NCAM2: variants seen among roughly 807,000 people sequenced by gnomAD.
NCAM2 encodes N-CAM-2.
In NCAM2, 30 loss-of-function variants were observed where a neutral mutation model predicts 98.1. The ratio of observed to expected loss-of-function variants is 0.31; its 90% CI spans 0.23 to 0.41. NCAM2 has a LOEUF of 0.41. Among genes scored for constraint, NCAM2 ranks in the 10% least tolerant of loss-of-function variants. The pLI is 1.00. For synonymous variants in NCAM2, 368 were observed against 342.4 expected, an observed-to-expected ratio of 1.07 and a Z score of -0.83; for missense variants, 867 against 1,005.8, an observed-to-expected ratio of 0.86 and a Z score of 1.87.
chr21:21,150,818 TAA>T (rs2067425360), intron 1 of NCAM2, among the ~76,000 whole-genome samples: 1 of 151,896 alleles, frequency 6.6e-6, no homozygotes, highest in Non-Finnish European at 1.5e-5. Flanking sequence ...TTTATAAAAT[TAA>T]TTGGGAAGTG....
At chr21:21,146,036 AAC>A (rs752389471) in intron 1 of NCAM2, among the ~76,000 whole-genome samples, 1 of 152,168 alleles carries the variant, frequency 6.6e-6, no homozygotes, top group African/African-American at 2.4e-5. Flanking sequence ...GCAACAGAGA[AAC>A]ACGTTTTTTG....
At chr21:21,081,990 C>A (rs552083261) in intron 1 of NCAM2, among the ~76,000 whole-genome samples, 3 of 151,552 alleles carry the variant, frequency 2.0e-5, no homozygotes, top group Non-Finnish European at 4.4e-5. Context: ...GTAATCCCAG[C>A]ACCTTGGGAG....
chr21:21,274,943 A>C (rs2072667149), intron 1 of NCAM2, among the ~76,000 whole-genome samples: 1 of 152,132 alleles, frequency 6.6e-6, no homozygotes, highest in Admixed American at 6.6e-5. Context: ...TCAAATAGCA[A>C]AGGGCGCTTG....
At chr21:21,526,018 A>T (rs1184598072) in intron 16 of NCAM2, among the ~76,000 whole-genome samples, 1 of 152,100 alleles carries the variant, frequency 6.6e-6, no homozygotes, top group Admixed American at 6.5e-5. Context: ...AAGGATATCT[A>T]AAAAACTACA....
intron 1 of NCAM2, among the ~76,000 whole-genome samples, chr21:21,118,678 C>T (rs1044724352): frequency 6.6e-6 from 1 of 151,992 alleles, no homozygotes; most frequent in Admixed American, 6.6e-5. Flanking sequence ...CACTTTTCTT[C>T]TACTCTTTTT....
At chr21:21,108,822 T>C (rs989127186) in intron 1 of NCAM2, among the ~76,000 whole-genome samples, 1 of 152,146 alleles carries the variant, frequency 6.6e-6, no homozygotes, top group Non-Finnish European at 1.5e-5. Flanking sequence ...TTCAGGAATT[T>C]GTAATCAACT....
intron 1 of NCAM2, among the ~76,000 whole-genome samples, chr21:21,101,020 G>A: frequency 4.2e-5 from 1 of 24,044 alleles, no homozygotes; most frequent in African/African-American, 1.7e-4. Context: ...AAATAATGTG[G>A]TATTTGAGGA....
chr21:21,251,170 T>C (rs1987765), intron 1 of NCAM2, among the ~76,000 whole-genome samples: 3,504 of 152,266 alleles, frequency 0.023, 59 homozygotes, highest in Admixed American at 0.044. Flanking sequence ...TTTATTTTAT[T>C]ATACTTTAAG....
At chr21:21,505,462 G>T (rs891932766) in intron 15 of NCAM2, among the ~76,000 whole-genome samples, 1 of 151,856 alleles carries the variant, frequency 6.6e-6, no homozygotes, top group South Asian at 2.1e-4. Flanking sequence ...AAATGAAGAT[G>T]TTTTACATAT....
intron 16 of NCAM2, among the ~76,000 whole-genome samples, chr21:21,527,628 G>A (rs917403525): frequency 2.6e-5 from 4 of 152,028 alleles, no homozygotes; most frequent in Admixed American, 2.6e-4. Flanking sequence ...ATGAATCAGG[G>A]AAATGAAAAT....
intron 9 of NCAM2, among the ~76,000 whole-genome samples, chr21:21,391,600 C>G (rs1471142609): frequency 6.6e-6 from 1 of 152,062 alleles, no homozygotes; most frequent in Non-Finnish European, 1.5e-5. Flanking sequence ...TGTATTTATT[C>G]ACATAGATCC....
At chr21:21,017,140 A>G (rs1208197886) in intron 1 of NCAM2, among the ~76,000 whole-genome samples, 1 of 152,164 alleles carries the variant, frequency 6.6e-6, no homozygotes, top group Non-Finnish European at 1.5e-5. Context: ...AACAATAGAA[A>G]TGGGGCTGGG....
At chr21:21,305,469 A>G (rs999012219) in intron 5 of NCAM2, among the ~76,000 whole-genome samples, 1 of 152,138 alleles carries the variant, frequency 6.6e-6, no homozygotes, top group Admixed American at 6.5e-5. Flanking sequence ...ACAATTGAAC[A>G]CACTTGGCCT....
At chr21:21,091,934 A>G (rs555462044) in intron 1 of NCAM2, among the ~76,000 whole-genome samples, 1 of 152,258 alleles carries the variant, frequency 6.6e-6, no homozygotes, top group South Asian at 2.1e-4. Context: ...TTTGTACTCT[A>G]CATTAAGTAG....
At chr21:21,219,017 T>C (rs2070025195) in intron 1 of NCAM2, among the ~76,000 whole-genome samples, 1 of 152,238 alleles carries the variant, frequency 6.6e-6, no homozygotes, top group Admixed American at 6.5e-5. Flanking sequence ...CACTCCAGCC[T>C]GGGCGATGAG....
At chr21:21,065,701 G>T (rs776729595) in intron 1 of NCAM2, among the ~76,000 whole-genome samples, 1 of 152,042 alleles carries the variant, frequency 6.6e-6, no homozygotes, top group Non-Finnish European at 1.5e-5. Context: ...TTTAAAATTC[G>T]TTGAGTTCTA....
intron 7 of NCAM2, among the ~76,000 whole-genome samples, chr21:21,338,037 G>A (rs902733556): frequency 1.2e-4 from 18 of 152,026 alleles, no homozygotes; most frequent in Non-Finnish European, 2.9e-5. Context: ...CCATATGCAT[G>A]TGCCTTTAAA....
At chr21:21,051,172 T>G (rs2065101131) in intron 1 of NCAM2, among the ~76,000 whole-genome samples, 1 of 152,242 alleles carries the variant, frequency 6.6e-6, no homozygotes, top group South Asian at 2.1e-4. Context: ...CTTTTTATGG[T>G]TTTTTTCACA....
chr21:21,078,735 T>C (rs1280159329), intron 1 of NCAM2, among the ~76,000 whole-genome samples: 1 of 152,190 alleles, frequency 6.6e-6, no homozygotes, highest in East Asian at 1.9e-4. Flanking sequence ...TACATGCACA[T>C]GTATGTTTAT....
Sources: allele counts gnomAD v4.1 joint callset (sites outside exome capture counted in the v4.1 genomes callset), GRCh38; gene constraint gnomAD v4.1.1; transcripts MANE v1.5; gene names NCBI Gene and HGNC (gene_info 2026-07-23, HGNC 2026-07-21).